Variants in PPWD1 observed in about 807,000 individuals in gnomAD.
PPWD1 encodes the protein peptidylprolyl isomerase domain and WD repeat-containing protein 1.
Under a neutral mutation model 68.8 loss-of-function variants are expected in PPWD1, and 43 were observed. The ratio of observed to expected loss-of-function variants is 0.62; its 90% confidence interval spans 0.49 to 0.81. The LOEUF is 0.81. Ranked by LOEUF, PPWD1 falls within the 30% of genes least tolerant of loss-of-function variation. The probability of loss-of-function intolerance (pLI) is 0.00; values close to 1 mark genes in which losing one functional copy is unlikely to be tolerated. For missense variants in PPWD1, 672 were observed against 804.8 expected, an observed-to-expected ratio of 0.83 and a Z score of 2.00; for synonymous variants, 232 against 258.7, an observed-to-expected ratio of 0.90 and a Z score of 0.99.
At chr5:65,578,751 C>CATATATGTATATATATATACAT (rs1753435860) in intron 6 of PPWD1, among the ~76,000 whole-genome samples, 2 of 138,458 alleles carry the variant, frequency 1.4e-5, no homozygotes, top group African/African-American at 5.5e-5. Flanking sequence ...TATATACACA[C>CATATATGTATATATATATACAT]ATATATGTGT....
In PPWD1 at chr5:65,578,795, T is replaced by C. The variant is rs1273436913; in HGVS notation, c.1161-629T>C. On this transcript the variant is annotated intron_variant, in intron 6 of 10. Transcript: ENST00000261308. ...ATACATATATATGTGTATATATATA[T>C]ACATATATATGTGTATATATATACT... is the stretch of plus-strand genomic sequence containing the variant. 5.6e-3 allele frequency among the ~76,000 whole-genome samples: 531 copies of C among 95,274 alleles called. 4 individuals are homozygous for C. Among genetic ancestry groups the C allele is most frequent in the African/African-American group, 0.021 (506 of 23,992 alleles). The allele number at this position is 95,274 out of a possible 152,430, so 62.5% of individuals were successfully genotyped here.
At chr5:65,579,116 C>G (rs1307569216) in intron 6 of PPWD1, among the ~76,000 whole-genome samples, 2 of 151,934 alleles carry the variant, frequency 1.3e-5, no homozygotes, top group Non-Finnish European at 2.9e-5. Context: ...GGGGTTTCAC[C>G]ACGTTGGCCA....
At chr5:65,577,974 C>T (rs1753382187) in intron 6 of PPWD1, among the ~76,000 whole-genome samples, 1 of 152,208 alleles carries the variant, frequency 6.6e-6, no homozygotes, top group Admixed American at 6.5e-5. Context: ...TATCCACCAT[C>T]ATATTATCAT....
chr5:65,577,152 G>A, intron 6 of PPWD1, 83 bp downstream of exon 6: 2 of 1,475,862 alleles, frequency 1.4e-6, no homozygotes, highest in Non-Finnish European at 1.8e-6. Flanking sequence ...TGGGAGTATT[G>A]TTTGTTCCAA....
At chr5:65,581,313 T>C (rs943906333) in intron 7 of PPWD1, among the ~76,000 whole-genome samples, 1 of 152,164 alleles carries the variant, frequency 6.6e-6, no homozygotes, top group African/African-American at 2.4e-5. Context: ...TGGCCAGGAA[T>C]GGTGGCTTAT....
intron 2 of PPWD1, 97 bp from the exon 3 acceptor site, chr5:65,569,535 T>C (rs1258133057): frequency 7.4e-7 from 1 of 1,353,360 alleles, no homozygotes; most frequent in Admixed American, 2.9e-5. Context: ...AAACCTATTA[T>C]GCACAAGTCA....
At position 65,572,034 on chromosome 5, in the gene PPWD1, G is replaced by A. The variant is rs1007456260; in HGVS notation, c.717G>A (p.Val239=). ...TAAACCCAGTTTACAAAGCAGTAGTGTCTTCTGACAAATCTGGGATGATTG... is the reference window on the plus strand; with the variant it reads ...TAAACCCAGTTTACAAAGCAGTAGTATCTTCTGACAAATCTGGGATGATTG... The part of the protein sequence containing the change: ...IRLNPVYKAV[V]SSDKSGMIEY... Residue 239 remains valine (V), a synonymous_variant, in exon 5 of 11, where the codon GTG becomes GTA. Coordinates refer to ENST00000261308, the MANE Select transcript of PPWD1 (RefSeq NM_015342.4). 1.9e-6 allele frequency: 3 copies of A among 1,614,056 alleles called. No individual in the cohort carries two copies. The highest frequency in any genetic ancestry group is 2.2e-5 in the South Asian group (2 of 91,078).
Position 65,572,268 on chromosome 5 carries a change from C to CT in PPWD1, c.954dup (p.Asp319Ter). On this transcript the variant is annotated frameshift_variant, in exon 5 of 11. Transcript: ENST00000261308. LOFTEE classifies it high-confidence loss of function. ...TTGTAACTGGAAAACTCATGAGAGT[C>CT]TTTGATGAATCACTAAGCGTAAGTG... is the stretch of plus-strand genomic sequence containing the variant. 1.2e-6 allele frequency: 2 copies of CT among 1,609,002 alleles called. No individual in the cohort carries two copies. Among genetic ancestry groups the CT allele is most frequent in the East Asian group, 2.2e-5 (1 of 44,810 alleles).
rs1561725590 is a variant in PPWD1 at position 65,573,469 on chromosome 5, AT to A, written c.969+1184del. Among the ~76,000 whole-genome samples the A allele has an allele frequency of 7.4e-3, 385 of 51,882 alleles. 29 individuals are homozygous for A. Among genetic ancestry groups the A allele is most frequent in the African/African-American group, 0.034 (374 of 10,866 alleles). 34.0% of individuals were successfully genotyped at this position (51,882 alleles called of 152,430 possible). A position where few individuals can be genotyped will look rare whatever the true frequency, so the allele number is the denominator to read the frequency against. On this transcript the variant is annotated intron_variant, in intron 5 of 10. Coordinates refer to ENST00000261308, the MANE Select transcript of PPWD1 (RefSeq NM_015342.4). ...CACCACACTTAGCTAATATATATAT[AT>A]ATATATTTTTTTTTTATTAGAGATG... is the stretch of plus-strand genomic sequence containing the variant.
intron 6 of PPWD1, among the ~76,000 whole-genome samples, chr5:65,578,760 GTATATATATATACATATATATGTGTA>G (rs1282035548): frequency 0.044 from 3,264 of 74,176 alleles, 39 homozygotes; most frequent in Non-Finnish European, 0.064. Flanking sequence ...ACATATATGT[GTATATATATATACATATATATGTGTA>G]TATATATATA....
chr5:65,568,778 G>A, intron 2 of PPWD1: 1 of 264,264 alleles, frequency 3.8e-6, no homozygotes, highest in Non-Finnish European at 7.4e-6. Context: ...TATATTTCAT[G>A]TAAAATAGGA....
intron 2 of PPWD1, chr5:65,568,190 A>G (rs373003960): frequency 2.3e-4 from 35 of 152,332 alleles, no homozygotes; most frequent in African/African-American, 7.5e-4. Context: ...TGAAACTCCA[A>G]AACACTTCTG....
intron 4 of PPWD1, among the ~76,000 whole-genome samples, chr5:65,571,208 T>C (rs546474112): frequency 1.3e-5 from 2 of 152,316 alleles, no homozygotes; most frequent in Admixed American, 1.3e-4. Flanking sequence ...AGAATAATAG[T>C]GTCACTTCTC....
intron 10 of PPWD1, 191 bp from the exon 11 acceptor site, chr5:65,587,062 A>G (rs1383064471): frequency 7.3e-6 from 2 of 275,096 alleles, no homozygotes; most frequent in African/African-American, 2.3e-5. Context: ...CTATGCTTCT[A>G]TTTTTTTTAA....
At chr5:65,575,386 A>G (rs1753234385) in intron 5 of PPWD1, among the ~76,000 whole-genome samples, 1 of 152,236 alleles carries the variant, frequency 6.6e-6, no homozygotes, top group Non-Finnish European at 1.5e-5. Flanking sequence ...GACTAGAGAC[A>G]AGAAAACCTA....
intron 4 of PPWD1, 132 bp from the exon 5 acceptor site, chr5:65,571,707 C>G (rs1223297395): frequency 7.2e-7 from 1 of 1,393,798 alleles, no homozygotes; most frequent in Non-Finnish European, 9.5e-7. Context: ...TTCTGTGTCT[C>G]TGCTACTTTT....
Position 65,571,967 on chromosome 5 carries a change from T to G in PPWD1, c.650T>G (p.Ile217Ser), listed in dbSNP as rs1448731471. The G allele has an allele frequency of 6.2e-7, 1 of 1,614,038 alleles. No homozygotes were observed. Residue 217 changes from isoleucine (I) to serine (S), a missense_variant, in exon 5 of 11, where the codon ATT becomes AGT. By Grantham distance (142) the Ile-to-Ser change is moderately radical (BLOSUM62 -2). Around this residue, in one of 2 missense-constraint regions of PPWD1, gnomAD observed 484 missense variants for 646.2 expected, o/e 0.75. Coordinates refer to ENST00000261308, the MANE Select transcript of PPWD1 (RefSeq NM_015342.4). ...CGAGGAGATAACCAGCCACTTCATA[T>G]TTTTGACAAACTCCATACATCACCT... Reference protein sequence around the residue: ...DGRGDNQPLHIFDKLHTSPLT... With the variant: ...DGRGDNQPLHSFDKLHTSPLT...
chr5:65,569,239 G>A, intron 2 of PPWD1: 1 of 305,430 alleles, frequency 3.3e-6, no homozygotes, highest in Non-Finnish European at 6.4e-6. Context: ...GAATTTTGTT[G>A]CGTATGAAAG....
chr5:65,577,723 T>C (rs564580538), intron 6 of PPWD1, among the ~76,000 whole-genome samples: 1 of 152,352 alleles, frequency 6.6e-6, no homozygotes, highest in South Asian at 2.1e-4. Flanking sequence ...TTGTTTTTAA[T>C]AGACCTTACT....
Sources: allele counts gnomAD v4.1 joint callset (sites outside exome capture counted in the v4.1 genomes callset), GRCh38; gene constraint gnomAD v4.1.1; regional missense constraint gnomAD v4.1.1; transcripts MANE v1.5; gene names NCBI Gene and HGNC (gene_info 2026-07-23, HGNC 2026-07-21).